Variants in USP43 observed in about 807,000 individuals in gnomAD.
The protein encoded by USP43 is ubiquitin specific peptidase 43.
Under a neutral mutation model 90.7 loss-of-function variants are expected in USP43, and 33 were observed. That is an observed-to-expected ratio of 0.36 (90% CI 0.28 to 0.49). The LOEUF (loss-of-function observed/expected upper bound fraction) is 0.49. Among genes scored for constraint, USP43 ranks in the 20% least tolerant of loss-of-function variants. USP43 has a pLI of 0.98. For synonymous variants in USP43, 598 were observed against 615.8 expected, an observed-to-expected ratio of 0.97 and a Z score of 0.43; for missense variants, 1,274 against 1,476.4, an observed-to-expected ratio of 0.86 and a Z score of 2.25.
At chr17:9,647,853 A>C (rs1476008687) in intron 1 of USP43, among the ~76,000 whole-genome samples, 6 of 149,992 alleles carry the variant, frequency 4.0e-5, no homozygotes, top group Admixed American at 6.6e-5. Context: ...AAATCCAAAA[A>C]AAAAAAAAAA....
rs1567690497 is a variant in USP43, at chr17:9,729,204, G to C, written c.*214G>C. On this transcript the variant is annotated 3_prime_UTR_variant, in exon 15 of 15. Coordinates refer to ENST00000285199, the MANE Select transcript of USP43 (RefSeq NM_153210.5). ...GGTCGAAAACCTTCCTGCATCATTG[G>C]GTGCTTTGCTACAGTTTGGCCACTA... 3 of 385,898 alleles carry C rather than the reference G, an allele frequency of 7.8e-6. No homozygotes were observed. Among genetic ancestry groups the C allele is most frequent in the Non-Finnish European group, 1.3e-5 (3 of 223,318 alleles). The allele number at this position is 385,898 out of a possible 1,614,324, so 23.9% of individuals were successfully genotyped here. A position where few individuals can be genotyped will look rare whatever the true frequency, so the allele number is the denominator to read the frequency against.
chr17:9,714,513 C>G (rs558850729), intron 14 of USP43, among the ~76,000 whole-genome samples: 1 of 130,406 alleles, frequency 7.7e-6, no homozygotes, highest in Non-Finnish European at 1.5e-5. Flanking sequence ...AACCCCGTCT[C>G]TACTAAAAAT....
At chr17:9,687,140 G>C (rs1219705728) in intron 8 of USP43, among the ~76,000 whole-genome samples, 1 of 152,088 alleles carries the variant, frequency 6.6e-6, no homozygotes, top group Non-Finnish European at 1.5e-5. Flanking sequence ...TACCTTTCAT[G>C]GGCAGAGCTT....
chr17:9,704,464 C>T (rs989595273), intron 12 of USP43, among the ~76,000 whole-genome samples: 6 of 151,904 alleles, frequency 3.9e-5, no homozygotes, highest in African/African-American at 9.7e-5. Context: ...CGGTGGTGCT[C>T]GCCACCACGC....
intron 2 of USP43, among the ~76,000 whole-genome samples, chr17:9,658,244 G>A (rs1417939642): frequency 6.6e-6 from 1 of 152,124 alleles, no homozygotes; most frequent in Non-Finnish European, 1.5e-5. Context: ...TCATTCTAGC[G>A]TAATAAAGAA....
intron 3 of USP43, among the ~76,000 whole-genome samples, chr17:9,667,547 G>A (rs539235165): frequency 2.7e-4 from 41 of 152,328 alleles, no homozygotes; most frequent in African/African-American, 7.2e-4. Context: ...CAGTGAAAGC[G>A]CTGACAGCAG....
chr17:9,725,620 A>G (rs185022227), intron 14 of USP43, among the ~76,000 whole-genome samples: 190 of 152,330 alleles, frequency 1.2e-3, no homozygotes, highest in African/African-American at 4.0e-3. Flanking sequence ...TAACAGGGGT[A>G]CTTTTTCACT....
At position 9,729,103 on chromosome 17, in the gene USP43, A is replaced by T. The variant is rs1017388233; in HGVS notation, c.*113A>T. On this transcript the variant is annotated 3_prime_UTR_variant, in exon 15 of 15. Coordinates refer to ENST00000285199, the MANE Select transcript of USP43 (RefSeq NM_153210.5). ...GAAACCCGTTGTCTTGTAATCTCTA[A>T]AAAAAAATTTTTTTTTTTTTGTGGT... 7.5e-6 allele frequency: 9 copies of T among 1,193,718 alleles called. No homozygotes were observed. The highest frequency in any genetic ancestry group is 9.9e-6 in the Non-Finnish European group (9 of 907,256). 73.9% of individuals were successfully genotyped at this position (1,193,718 alleles called of 1,614,324 possible). A position where few individuals can be genotyped will look rare whatever the true frequency, so the allele number is the denominator to read the frequency against.
In USP43 at chr17:9,681,166, A is replaced by G. The variant is rs1487149775; in HGVS notation, c.1105+800A>G. Among the ~76,000 whole-genome samples, 271 of 61,094 alleles carry G rather than the reference A, an allele frequency of 4.4e-3. 22 individuals carry two copies. The highest frequency in any genetic ancestry group is 0.03 in the African/African-American group (262 of 8,652). The allele number at this position is 61,094 out of a possible 152,430, so 40.1% of individuals were successfully genotyped here. A position where few individuals can be genotyped will look rare whatever the true frequency, so the allele number is the denominator to read the frequency against. On this transcript the variant is annotated intron_variant, in intron 6 of 14. Transcript: ENST00000285199. Reference sequence around the variant, plus strand: ...TATACTATATAATATATACTATATAATATATACTATATAATATACTATATA... The same window carrying G: ...TATACTATATAATATATACTATATAGTATATACTATATAATATACTATATA...
intron 12 of USP43, among the ~76,000 whole-genome samples, chr17:9,707,678 A>G (rs1309328040): frequency 6.7e-6 from 1 of 149,874 alleles, no homozygotes; most frequent in Non-Finnish European, 1.5e-5. Flanking sequence ...AAAATATTTC[A>G]TTTTTTATTT....
intron 7 of USP43, among the ~76,000 whole-genome samples, chr17:9,684,763 C>CAT (rs1914503573): frequency 1.5e-5 from 1 of 65,848 alleles, no homozygotes; most frequent in Non-Finnish European, 3.2e-5. Context: ...AACTCCATCT[C>CAT]AAAAAAAAAA....
At chr17:9,658,473 AG>A (rs1009781206) in intron 2 of USP43, among the ~76,000 whole-genome samples, 8 of 152,178 alleles carry the variant, frequency 5.3e-5, no homozygotes, top group Admixed American at 2.6e-4. Context: ...ATTCAAGCCC[AG>A]GGGGGTCTGG....
At chr17:9,689,471 G>C (rs536146373) in intron 8 of USP43, among the ~76,000 whole-genome samples, 62 of 151,836 alleles carry the variant, frequency 4.1e-4, no homozygotes, top group African/African-American at 1.4e-3. Flanking sequence ...GAGTGTGGTG[G>C]TGTGATCATA....
chr17:9,694,139 A>G (rs3913649), intron 9 of USP43, among the ~76,000 whole-genome samples: 42,076 of 152,044 alleles, frequency 0.28, 6,474 homozygotes, highest in East Asian at 0.63. Flanking sequence ...TTATTTTCCC[A>G]TAGACCCCCA....
intron 14 of USP43, among the ~76,000 whole-genome samples, chr17:9,720,064 C>A (rs1916847899): frequency 6.7e-6 from 1 of 148,558 alleles, no homozygotes; most frequent in Non-Finnish European, 1.5e-5. Flanking sequence ...GAGACCCTGT[C>A]TCAAAAAAAA....
chr17:9,695,247 C>G (rs933675565), intron 9 of USP43, among the ~76,000 whole-genome samples: 1 of 152,150 alleles, frequency 6.6e-6, no homozygotes, highest in Non-Finnish European at 1.5e-5. Context: ...CTATTTAGCC[C>G]TTGCCCTGCC....
intron 2 of USP43, among the ~76,000 whole-genome samples, chr17:9,658,384 A>G (rs908456426): frequency 2.6e-5 from 4 of 152,200 alleles, no homozygotes; most frequent in African/African-American, 4.8e-5. Flanking sequence ...AAAGGAAAAC[A>G]TAACTATATA....
chr17:9,705,443 C>T (rs1479981949), intron 12 of USP43, among the ~76,000 whole-genome samples: 1 of 152,092 alleles, frequency 6.6e-6, no homozygotes, highest in Non-Finnish European at 1.5e-5. Context: ...TGGACTGACT[C>T]ATTCTTTTAC....
At chr17:9,654,729 C>T (rs1912114545) in intron 1 of USP43, among the ~76,000 whole-genome samples, 1 of 150,422 alleles carries the variant, frequency 6.6e-6, no homozygotes, top group African/African-American at 2.4e-5. Flanking sequence ...ATCCTAAAAT[C>T]TCCTTTATTT....
Sources: gnomAD v4.1 joint callset for allele counts (sites outside exome capture counted in the v4.1 genomes callset) on GRCh38, gnomAD v4.1.1 for gene constraint, MANE v1.5 for transcripts, NCBI Gene and HGNC (gene_info 2026-07-23, HGNC 2026-07-21) for gene names.